CELSR1: variants seen among roughly 807,000 people sequenced by gnomAD.
CELSR1 encodes cadherin EGF LAG seven-pass G-type receptor 1, also known as adhesion G protein-coupled receptor C1.
CELSR1 carries 110 observed loss-of-function variants against 249.1 expected under a neutral mutation model. The ratio of observed to expected loss-of-function variants is 0.44; its 90% CI spans 0.38 to 0.52. The LOEUF (loss-of-function observed/expected upper bound fraction) is 0.52, where lower values mean the gene tolerates loss of function less well. Among genes scored for constraint, CELSR1 ranks in the 20% least tolerant of loss-of-function variants. CELSR1 has a pLI of 0.00. For missense variants in CELSR1, 4,109 were observed against 4,296.4 expected, an observed-to-expected ratio of 0.96 and a Z score of 1.22; for synonymous variants, 2,113 against 1,900.0, an observed-to-expected ratio of 1.11 and a Z score of -2.92.
chr22:46,457,369 G>A (rs8142135), intron 2 of CELSR1, among the ~76,000 whole-genome samples: 20 of 151,996 alleles, frequency 1.3e-4, no homozygotes, highest in African/African-American at 3.4e-4. Flanking sequence ...GATTATTCTC[G>A]CAGCCCCTGG....
chr22:46,498,487 C>A (rs2080436578), intron 1 of CELSR1, among the ~76,000 whole-genome samples: 1 of 151,238 alleles, frequency 6.6e-6, no homozygotes, highest in Non-Finnish European at 1.5e-5. Context: ...TGGCAGGGGG[C>A]CTGTAATCCC....
rs1319308297 is a variant in CELSR1, at chr22:46,396,548, G to A, written c.5843+57C>T. ...TAAGAAAGAGAAGACACTGAGTCGA[G>A]GGAACACAGCCACATGGACTCTGAA... On this transcript the variant is annotated intron_variant, in intron 13 of 34. Transcript: ENST00000674500. The surrounding 1 kb of genome is among the most constrained non-coding windows in gnomAD (Gnocchi z 6.4). The A allele has an allele frequency of 2.1e-6, 3 of 1,431,784 alleles. No individual in the cohort carries two copies. Among genetic ancestry groups the A allele is most frequent in the African/African-American group, 1.5e-5 (1 of 67,978 alleles). 88.7% of individuals were successfully genotyped at this position (1,431,784 alleles called of 1,614,324 possible).
chr22:46,461,985 A>T (rs2080033910), intron 2 of CELSR1, among the ~76,000 whole-genome samples: 2 of 152,226 alleles, frequency 1.3e-5, no homozygotes, highest in Non-Finnish European at 2.9e-5. Context: ...GACACAGAAC[A>T]GGAATCCACT....
Position 46,433,078 on chromosome 22 carries a change from A to G in CELSR1, c.4611+315T>C, listed in dbSNP as rs972445456. Among the ~76,000 whole-genome samples the G allele has an allele frequency of 4.6e-5, 7 of 151,824 alleles. No individual in the cohort carries two copies. The highest frequency in any genetic ancestry group is 3.9e-4 in the Admixed American group (6 of 15,248). ...ATTTCGCTCTGTTACCCAGGCTGGA[A>G]TACAGTGGCACGATCTCGGCTCACT... On this transcript the variant is annotated intron_variant, in intron 5 of 34. Coordinates refer to ENST00000674500, the MANE Select transcript of CELSR1 (RefSeq NM_001378328.1). The surrounding 1 kb of genome is among the most constrained non-coding windows in gnomAD (Gnocchi z 5.7).
rs59568907 is a variant in CELSR1 at position 46,393,512 on chromosome 22, C to T, written c.5964+630G>A. On this transcript the variant is annotated intron_variant, in intron 14 of 34. Transcript: ENST00000674500. The surrounding 1 kb of genome is among the most constrained non-coding windows in gnomAD (Gnocchi z 4.1). ...CAGCACTCTGGGAGGCTGAGGCGGG[C>T]GGATCACCTGAGGTCAGGAGTTCAA... is the stretch of plus-strand genomic sequence containing the variant. 0.035 allele frequency among the ~76,000 whole-genome samples: 5,289 copies of T among 152,088 alleles called. 319 individuals carry two copies. The highest frequency in any genetic ancestry group is 0.12 in the African/African-American group (4,932 of 41,480).
chr22:46,432,745 G>A (rs1455774221), intron 5 of CELSR1, among the ~76,000 whole-genome samples: 1 of 152,040 alleles, frequency 6.6e-6, no homozygotes, highest in African/African-American at 2.4e-5. Context: ...AGCCGTGTAT[G>A]AACAGCCCAG....
In CELSR1 at chr22:46,535,414, T is replaced by C. The variant is rs1257136504; in HGVS notation, c.1757A>G (p.His586Arg). The change falls in exon 1 of 35, where the codon CAC (histidine) becomes CGC (arginine). Residue 586 changes from histidine to arginine, a missense_variant. Physicochemically the swap from His to Arg is conservative, Grantham distance 29 (BLOSUM62 0). Transcript: ENST00000674500. ...AGAGTCCGCGTCCACCGCCTGAATG[T>C]GCACCACGGGGTAGCCCAGGGGCAC... Reference protein sequence around the residue: ...ENVPLGYPVVHIQAVDADSGE... With the variant: ...ENVPLGYPVVRIQAVDADSGE... 1.9e-6 allele frequency: 3 copies of C among 1,608,944 alleles called. No individual in the cohort carries two copies. Among genetic ancestry groups the C allele is most frequent in the Non-Finnish European group, 2.5e-6 (3 of 1,177,796 alleles).
Position 46,390,376 on chromosome 22 carries a change from C to A in CELSR1, c.6345+16G>T, listed in dbSNP as rs373931439. 6.2e-7 allele frequency: 1 copy of A among 1,601,876 alleles called. No individual in the cohort carries two copies. Among genetic ancestry groups the A allele is most frequent in the Non-Finnish European group, 8.5e-7 (1 of 1,171,676 alleles). On this transcript the variant is annotated intron_variant, in intron 17 of 34. Coordinates refer to ENST00000674500, the MANE Select transcript of CELSR1 (RefSeq NM_001378328.1). The surrounding 1 kb of genome is among the most constrained non-coding windows in gnomAD (Gnocchi z 6.3). The stretch of plus-strand genomic sequence containing the variant: ...CACGTGCCCCTGCTGAACACACATC[C>A]CCGAGGCGCCCCTACCATGGCCCTG...
At position 46,506,823 on chromosome 22, in the gene CELSR1, G is replaced by A. The variant is rs1429092703; in HGVS notation, c.3544+26804C>T. Among the ~76,000 whole-genome samples, 1 of 152,160 alleles carries A rather than the reference G, an allele frequency of 6.6e-6. No homozygotes were observed. The highest frequency in any genetic ancestry group is 2.4e-5 in the African/African-American group (1 of 41,452). On this transcript the variant is annotated intron_variant, in intron 1 of 34. Coordinates refer to ENST00000674500, the MANE Select transcript of CELSR1 (RefSeq NM_001378328.1). The surrounding 1 kb of genome is among the most constrained non-coding windows in gnomAD (Gnocchi z 4.1). ...ACAGGAAGCTGAGGCCAAGCCCGGG[G>A]GTGTCTTCTCCACGGTCTGTCACCC...
chr22:46,535,241 C>G lies in CELSR1; in HGVS notation c.1930G>C (p.Glu644Gln), dbSNP rs758639530. 4 of 1,609,810 alleles carry G rather than the reference C, an allele frequency of 2.5e-6. No individual in the cohort carries two copies. The South Asian group carries it at 3.3e-5, about 13-fold the overall frequency. Residue 644 changes from glutamate to glutamine, a missense_variant, in exon 1 of 35, where the codon GAG becomes CAG. Around this residue, in one of 7 missense-constraint regions of CELSR1, gnomAD observed 886 missense variants for 896.5 expected, o/e 0.99. Coordinates refer to ENST00000674500, the MANE Select transcript of CELSR1 (RefSeq NM_001378328.1). Reference sequence around the variant, plus strand: ...TGCTCCACCTCCTCGCGGTCCAGCTCGGCACACACTGTGATCCAACCGGAG... The same window carrying G: ...TGCTCCACCTCCTCGCGGTCCAGCTGGGCACACACTGTGATCCAACCGGAG... The part of the protein sequence containing the change: ...NSSGWITVCA[E>Q]LDREEVEHYS...
At chr22:46,379,792 A>G (rs1232128329) in intron 22 of CELSR1, among the ~76,000 whole-genome samples, 1 of 152,196 alleles carries the variant, frequency 6.6e-6, no homozygotes, top group Admixed American at 6.5e-5. Context: ...CAGATGCACA[A>G]CGCTCCGCAG....
intron 5 of CELSR1, among the ~76,000 whole-genome samples, chr22:46,432,221 C>T (rs906711683): frequency 2.6e-5 from 4 of 152,142 alleles, no homozygotes; most frequent in Non-Finnish European, 5.9e-5. Flanking sequence ...GGTGGAGGGA[C>T]GCCGGTGGCC....
rs144860198 is a variant in CELSR1, at chr22:46,464,327, G to A, written c.3563C>T (p.Thr1188Met). 3.7e-5 allele frequency: 60 copies of A among 1,610,704 alleles called. No individual in the cohort carries two copies. The African/African-American group carries it at 3.9e-4, about 10-fold the overall frequency. The change falls in exon 2 of 35, where the codon ACG becomes ATG. Residue 1188 changes from threonine (T) to methionine (M), a missense_variant. By Grantham distance (81) the Thr-to-Met change is moderately conservative. Transcript: ENST00000674500. This position sits in a 1 kb window ranked among gnomAD's most constrained non-coding sequence, Gnocchi z 8.5. ...GGTGACACGCAGGGTGCAGAAGGCC[G>A]TGACGCTGTGGATGCCATCTGCAGA... ...VSVSDGIHSV[T>M]AFCTLRVTII...
intron 5 of CELSR1, among the ~76,000 whole-genome samples, chr22:46,422,299 G>T (rs2079483386): frequency 6.6e-6 from 1 of 151,900 alleles, no homozygotes; most frequent in South Asian, 2.1e-4. Flanking sequence ...GTAGAGATGG[G>T]GTTTTGCCAG....
Position 46,506,948 on chromosome 22 carries a change from G to A in CELSR1, c.3544+26679C>T, listed in dbSNP as rs1392518611. On this transcript the variant is annotated intron_variant, in intron 1 of 34. Transcript: ENST00000674500. This position sits in a 1 kb window ranked among gnomAD's most constrained non-coding sequence, Gnocchi z 4.1. The stretch of plus-strand genomic sequence containing the variant: ...GTGGTGGCTCACGTTTGTAATCCCA[G>A]CACTTTGGGAGGCCGAGGCGGGTGG... Among the ~76,000 whole-genome samples, 1 of 152,190 alleles carries A rather than the reference G, an allele frequency of 6.6e-6. No homozygotes were observed. The highest frequency in any genetic ancestry group is 1.5e-5 in the Non-Finnish European group (1 of 68,040).
rs1602185916 is a variant in CELSR1 at position 46,473,763 on chromosome 22, A to G, written c.3545-9418T>C. Among the ~76,000 whole-genome samples the G allele has an allele frequency of 1.3e-5, 2 of 151,340 alleles. No individual in the cohort carries two copies. The highest frequency in any genetic ancestry group is 4.1e-4 in the South Asian group (2 of 4,826). On this transcript the variant is annotated intron_variant, in intron 1 of 34. Coordinates refer to ENST00000674500, the MANE Select transcript of CELSR1 (RefSeq NM_001378328.1). The surrounding 1 kb of genome is among the most constrained non-coding windows in gnomAD (Gnocchi z 6.6). ...TGCTTGGTGGCTCCTGGTGGCTCCC[A>G]TTCAAAGCCAGGGAACTTTGAAGTG... is the stretch of plus-strand genomic sequence containing the variant.
At chr22:46,443,981 T>C (rs990150427) in intron 2 of CELSR1, among the ~76,000 whole-genome samples, 8 of 152,104 alleles carry the variant, frequency 5.3e-5, no homozygotes, top group South Asian at 2.1e-4. Context: ...AGAGGCTGGG[T>C]GTACTCACCC....
Position 46,393,215 on chromosome 22 carries a change from C to T in CELSR1, c.5964+927G>A, listed in dbSNP as rs966820116. Among the ~76,000 whole-genome samples, 6 of 152,160 alleles carry T rather than the reference C, an allele frequency of 3.9e-5. No homozygotes were observed. The highest frequency in any genetic ancestry group is 8.8e-5 in the Non-Finnish European group (6 of 68,020). ...TTTCAAGTCACTGTGAGCGCCATGG[C>T]CGTGGTGTACACGAAGATCCTGAAG... On this transcript the variant is annotated intron_variant, in intron 14 of 34. Transcript: ENST00000674500. The surrounding 1 kb of genome is among the most constrained non-coding windows in gnomAD (Gnocchi z 4.1).
Position 46,454,598 on chromosome 22 carries a change from C to T in CELSR1, c.4183+9109G>A, listed in dbSNP as rs555567767. 3.7e-4 allele frequency among the ~76,000 whole-genome samples: 57 copies of T among 152,370 alleles called. No individual in the cohort carries two copies. Among genetic ancestry groups the T allele is most frequent in the African/African-American group, 1.3e-3 (55 of 41,598 alleles). On this transcript the variant is annotated intron_variant, in intron 2 of 34. Coordinates refer to ENST00000674500, the MANE Select transcript of CELSR1 (RefSeq NM_001378328.1). The surrounding 1 kb of genome is among the most constrained non-coding windows in gnomAD (Gnocchi z 5.1). ...TTTTCTAACTGTGGGCCAGACATTT[C>T]TGGGCAGATGTTTGTTCCTCACTGA...
Sources: allele counts gnomAD v4.1 joint callset (sites outside exome capture counted in the v4.1 genomes callset), GRCh38; gene constraint gnomAD v4.1.1; regional missense constraint gnomAD v4.1.1; non-coding constraint Gnocchi (gnomAD v3.1); transcripts MANE v1.5; gene names NCBI Gene and HGNC (gene_info 2026-07-23, HGNC 2026-07-21).